HS6ST2: variants seen among roughly 807,000 people sequenced by gnomAD.
HS6ST2 encodes heparan sulfate 6-O-sulfotransferase 2, also known as heparan-sulfate 6-O-sulfotransferase 2.
A neutral mutation model predicts 33.0 loss-of-function variants in HS6ST2; 17 were observed. The observed-to-expected ratio is 0.52, with a 90% CI of 0.35 to 0.77. HS6ST2 has a LOEUF of 0.77. Ranked by LOEUF, HS6ST2 falls within the 30% of genes least tolerant of loss-of-function variation. The probability of loss-of-function intolerance (pLI) is 0.01; values close to 1 mark genes in which losing one functional copy is unlikely to be tolerated. For synonymous variants in HS6ST2, 248 were observed against 237.1 expected, an observed-to-expected ratio of 1.05 and a Z score of -0.42; for missense variants, 519 against 551.7, an observed-to-expected ratio of 0.94 and a Z score of 0.59.
chrX:132,706,796 AT>A (rs756528691), intron 3 of HS6ST2, among the ~76,000 whole-genome samples: 11 of 112,482 alleles, frequency 9.8e-5, no homozygotes, highest in African/African-American at 3.5e-4. Flanking sequence ...TATTTGTTTT[AT>A]TGCTTTACTA....
intron 2 of HS6ST2, among the ~76,000 whole-genome samples, chrX:132,735,753 T>C (rs2064501894): frequency 8.9e-6 from 1 of 112,334 alleles, no homozygotes; most frequent in African/African-American, 3.2e-5. Flanking sequence ...CTTGTGACTT[T>C]TCCTGATATC....
chrX:132,924,119 G>A (rs1360593072), intron 2 of HS6ST2, among the ~76,000 whole-genome samples: 1 of 112,156 alleles, frequency 8.9e-6, no homozygotes, highest in Non-Finnish European at 1.9e-5. Flanking sequence ...CTTCAGGTAT[G>A]GCACATAAGC....
At chrX:132,828,214 T>G (rs1365925991) in intron 2 of HS6ST2, among the ~76,000 whole-genome samples, 2 of 110,729 alleles carry the variant, frequency 1.8e-5, no homozygotes, top group African/African-American at 6.6e-5. Flanking sequence ...AAAGTCAGCA[T>G]GGCTCCTACT....
chrX:132,648,984 G>C (rs930180471), intron 4 of HS6ST2, among the ~76,000 whole-genome samples: 1 of 112,155 alleles, frequency 8.9e-6, no homozygotes, highest in African/African-American at 3.2e-5. Context: ...GAAAATGTTA[G>C]CCTCGGCATA....
intron 2 of HS6ST2, among the ~76,000 whole-genome samples, chrX:132,801,666 G>A (rs746807330): frequency 1.8e-5 from 2 of 111,144 alleles, no homozygotes; most frequent in Non-Finnish European, 3.8e-5. Context: ...TACTTGCTAG[G>A]GATCTCCACT....
intron 2 of HS6ST2, among the ~76,000 whole-genome samples, chrX:132,781,353 G>T (rs1459527396): frequency 8.9e-6 from 1 of 111,775 alleles, no homozygotes; most frequent in Admixed American, 9.5e-5. Flanking sequence ...ATAAGAGAAA[G>T]CTTCATAGAG....
chrX:132,942,749 C>T (rs1185167617), intron 2 of HS6ST2, among the ~76,000 whole-genome samples: 1 of 111,768 alleles, frequency 8.9e-6, no homozygotes, highest in Non-Finnish European at 1.9e-5. Flanking sequence ...TTACCAAATG[C>T]AGCAAAAAGC....
chrX:132,936,601 C>T (rs1329491348), intron 2 of HS6ST2, among the ~76,000 whole-genome samples: 2 of 111,706 alleles, frequency 1.8e-5, no homozygotes, highest in African/African-American at 3.2e-5. Context: ...AACACAGGAA[C>T]AGAAAACCAA....
intron 2 of HS6ST2, among the ~76,000 whole-genome samples, chrX:132,914,198 A>T (rs1238862735): frequency 8.9e-6 from 1 of 112,625 alleles, no homozygotes; most frequent in Non-Finnish European, 1.9e-5. Flanking sequence ...GGAGAAAAAG[A>T]TTAAGGTGTC....
chrX:132,876,649 C>T (rs1454610332), intron 2 of HS6ST2, among the ~76,000 whole-genome samples: 1 of 110,337 alleles, frequency 9.1e-6, no homozygotes, highest in Non-Finnish European at 1.9e-5. Flanking sequence ...ACACCCACTC[C>T]TTTATGGTGG....
At chrX:132,726,265 C>T (rs1326247945) in intron 2 of HS6ST2, among the ~76,000 whole-genome samples, 2 of 110,693 alleles carry the variant, frequency 1.8e-5, no homozygotes, top group African/African-American at 3.3e-5. Context: ...GCCAAAACAT[C>T]TCAAGTACCC....
intron 2 of HS6ST2, among the ~76,000 whole-genome samples, chrX:132,948,868 TA>T (rs1258834200): frequency 8.9e-6 from 1 of 111,898 alleles, no homozygotes; most frequent in African/African-American, 3.2e-5. Context: ...AGAATGTTAA[TA>T]TTAGCTTTTC....
intron 2 of HS6ST2, among the ~76,000 whole-genome samples, chrX:132,765,222 G>A (rs1206939019): frequency 8.9e-6 from 1 of 112,151 alleles, no homozygotes; most frequent in Non-Finnish European, 1.9e-5. Flanking sequence ...GGAGGCACAA[G>A]TGGGAGAGAT....
At chrX:132,794,574 G>GATGATGATGATGATGATGATGATT (rs916088563) in intron 2 of HS6ST2, among the ~76,000 whole-genome samples, 8 of 99,068 alleles carry the variant, frequency 8.1e-5, no homozygotes, top group African/African-American at 3.1e-4. Flanking sequence ...TGATGATGAT[G>GATGATGATGATGATGATGATGATT]ATTATTATTA....
intron 3 of HS6ST2, among the ~76,000 whole-genome samples, chrX:132,680,925 G>A (rs377074459): frequency 1.1e-4 from 12 of 110,304 alleles, no homozygotes; most frequent in Middle Eastern, 4.6e-3. Flanking sequence ...ACTTAAACCT[G>A]GGAGGCAGAG....
chrX:132,678,464 G>A (rs182585862), intron 3 of HS6ST2, among the ~76,000 whole-genome samples: 118 of 112,437 alleles, frequency 1.0e-3, no homozygotes, highest in Middle Eastern at 9.2e-3. Context: ...TAAACTATGC[G>A]TTCATGTGTC....
intron 2 of HS6ST2, among the ~76,000 whole-genome samples, chrX:132,863,706 A>G (rs2065936640): frequency 2.7e-5 from 3 of 111,205 alleles, no homozygotes; most frequent in African/African-American, 9.8e-5. Flanking sequence ...TCAGCAAAGT[A>G]AAAGACTTCA....
At chrX:132,794,567 TGA>T in intron 2 of HS6ST2, among the ~76,000 whole-genome samples, 1 of 99,603 alleles carries the variant, frequency 1.0e-5, no homozygotes, top group African/African-American at 3.9e-5. Flanking sequence ...ATGATGATGA[TGA>T]TGATGATTAT....
At chrX:132,822,989 C>T (rs893591163) in intron 2 of HS6ST2, among the ~76,000 whole-genome samples, 1 of 112,698 alleles carries the variant, frequency 8.9e-6, no homozygotes, top group East Asian at 2.8e-4. Flanking sequence ...TGCCACAAGG[C>T]CCATGGAACA....
Sources: allele counts gnomAD v4.1 joint callset (sites outside exome capture counted in the v4.1 genomes callset), GRCh38; gene constraint gnomAD v4.1.1; transcripts MANE v1.5; gene names NCBI Gene and HGNC (gene_info 2026-07-23, HGNC 2026-07-21).